PALLD: variants seen among roughly 807,000 people sequenced by gnomAD.
PALLD encodes palladin, cytoskeletal associated protein, also known as palladin.
A neutral mutation model predicts 123.5 loss-of-function variants in PALLD; 61 were observed. The observed-to-expected ratio is 0.49, with a 90% CI of 0.40 to 0.61. The LOEUF is 0.61. Ranked by LOEUF, PALLD falls within the 20% of genes least tolerant of loss-of-function variation. The probability of loss-of-function intolerance (pLI) is 0.00; values close to 1 mark genes in which losing one functional copy is unlikely to be tolerated. For synonymous variants in PALLD, 465 were observed against 496.4 expected (o/e 0.94, Z 0.84); for missense variants, 1,273 against 1,377.0 (o/e 0.92, Z 1.20).
At chr4:168,687,079 CT>C (rs1157721053) in intron 6 of PALLD, among the ~76,000 whole-genome samples, 1 of 152,154 alleles carries the variant, frequency 6.6e-6, no homozygotes, top group Non-Finnish European at 1.5e-5. Flanking sequence ...CAAACAATTC[CT>C]AGTAAACTAA....
At chr4:168,872,076 A>C (rs1305176114) in intron 10 of PALLD, among the ~76,000 whole-genome samples, 1 of 152,176 alleles carries the variant, frequency 6.6e-6, no homozygotes, top group Non-Finnish European at 1.5e-5. Context: ...TCTCATTCCT[A>C]TTCTTCATGT....
intron 2 of PALLD, among the ~76,000 whole-genome samples, chr4:168,624,722 A>G (rs1160006636): frequency 1.3e-5 from 2 of 152,222 alleles, no homozygotes; most frequent in Admixed American, 6.5e-5. Context: ...AAACAATATG[A>G]GTAAGATAGA....
intron 10 of PALLD, among the ~76,000 whole-genome samples, chr4:168,845,444 G>A (rs7688533): frequency 0.68 from 103,021 of 152,022 alleles, 36,806 homozygotes; most frequent in African/African-American, 0.92. Context: ...AACAAAAACA[G>A]TAATACAACA....
intron 2 of PALLD, among the ~76,000 whole-genome samples, chr4:168,560,744 C>T (rs951112967): frequency 6.6e-6 from 1 of 152,166 alleles, no homozygotes; most frequent in Non-Finnish European, 1.5e-5. Context: ...CTGTCATAAG[C>T]ACCAAACCTA....
rs1028737622 is a variant in PALLD, at chr4:168,891,065, T to C, written c.2100+8T>C. On this transcript the variant is annotated splice_region_variant and intron_variant, in intron 11 of 21. Coordinates refer to ENST00000505667, the MANE Select transcript of PALLD (RefSeq NM_001166108.2). ...CTGAACAATGGCCAGCCGGTACTGA[T>C]AGATTTGGGACCTGGACTTGGAATG... 1.9e-6 allele frequency: 3 copies of C among 1,614,060 alleles called. No homozygotes were observed. The highest frequency in any genetic ancestry group is 2.5e-6 in the Non-Finnish European group (3 of 1,179,938).
chr4:168,703,799 C>T (rs1189485077), intron 8 of PALLD, among the ~76,000 whole-genome samples: 3 of 144,254 alleles, frequency 2.1e-5, no homozygotes, highest in Admixed American at 6.7e-5. Flanking sequence ...ATTGTAGATT[C>T]TGGATATTAG....
rs372046983 is a variant in PALLD, at chr4:168,536,896, C to T, written c.908+24484C>T. Among the ~76,000 whole-genome samples the T allele has an allele frequency of 5.3e-5, 8 of 151,132 alleles. No homozygotes were observed. The East Asian group carries it at 1.4e-3, about 26-fold the overall frequency. On this transcript the variant is annotated intron_variant, in intron 2 of 21. Transcript: ENST00000505667. ...AGGCTGGAGTGCAGTGGCGCGATCT[C>T]GGCTCACTGCAAGCTCCACCTCCGG...
intron 17 of PALLD, among the ~76,000 whole-genome samples, chr4:168,920,455 A>G (rs941302862): frequency 2.6e-5 from 4 of 152,212 alleles, no homozygotes; most frequent in Non-Finnish European, 5.9e-5. Flanking sequence ...GAACTGTTTT[A>G]CAGTCTAAGT....
intron 10 of PALLD, among the ~76,000 whole-genome samples, chr4:168,865,625 G>T (rs183126274): frequency 6.6e-6 from 1 of 152,046 alleles, no homozygotes; most frequent in Non-Finnish European, 1.5e-5. Context: ...TTGAAAAGTC[G>T]TCTTTATAGT....
chr4:168,676,610 C>G (rs918091131), intron 3 of PALLD, among the ~76,000 whole-genome samples: 2 of 151,188 alleles, frequency 1.3e-5, no homozygotes, highest in Non-Finnish European at 2.9e-5. Flanking sequence ...AAAAGTCTCG[C>G]TCTGTCGCTC....
chr4:168,571,281 G>A (rs1312092459), intron 2 of PALLD, among the ~76,000 whole-genome samples: 3 of 152,052 alleles, frequency 2.0e-5, no homozygotes, highest in African/African-American at 7.2e-5. Flanking sequence ...TACTCTATGT[G>A]TGATTCTGTG....
At chr4:168,534,457 C>G (rs896152792) in intron 2 of PALLD, among the ~76,000 whole-genome samples, 1 of 152,214 alleles carries the variant, frequency 6.6e-6, no homozygotes, top group Non-Finnish European at 1.5e-5. Flanking sequence ...ATATTTCCCA[C>G]AGAAGAAAGT....
intron 2 of PALLD, among the ~76,000 whole-genome samples, chr4:168,593,762 G>A (rs1460169664): frequency 6.6e-6 from 1 of 152,172 alleles, no homozygotes; most frequent in Non-Finnish European, 1.5e-5. Flanking sequence ...GTGTTACAAA[G>A]CAGGCCCACC....
At chr4:168,901,914 ATAATT>A (rs1756611352) in intron 14 of PALLD, among the ~76,000 whole-genome samples, 1 of 152,202 alleles carries the variant, frequency 6.6e-6, no homozygotes, top group South Asian at 2.1e-4. Flanking sequence ...GATACTTTAC[ATAATT>A]TAAGTTTTAC....
intron 4 of PALLD, among the ~76,000 whole-genome samples, chr4:168,682,601 A>G (rs1292882758): frequency 6.6e-6 from 1 of 152,262 alleles, no homozygotes; most frequent in Non-Finnish European, 1.5e-5. Context: ...AGTTAAATAT[A>G]GGACCCTAAC....
intron 10 of PALLD, among the ~76,000 whole-genome samples, chr4:168,827,602 ATC>A (rs1289205562): frequency 6.6e-6 from 1 of 152,248 alleles, no homozygotes; most frequent in Non-Finnish European, 1.5e-5. Context: ...TCTATAATTA[ATC>A]TGTTATTTCC....
At chr4:168,609,589 G>A (rs1390764386) in intron 2 of PALLD, among the ~76,000 whole-genome samples, 1 of 152,134 alleles carries the variant, frequency 6.6e-6, no homozygotes, top group Non-Finnish European at 1.5e-5. Context: ...TTCATGCGGG[G>A]GTATCAGAGT....
intron 10 of PALLD, among the ~76,000 whole-genome samples, chr4:168,845,339 A>T (rs779182320): frequency 6.6e-6 from 1 of 152,338 alleles, no homozygotes; most frequent in Non-Finnish European, 1.5e-5. Flanking sequence ...TTCCAATAGC[A>T]TCATCTGTCT....
At chr4:168,695,018 CTG>C (rs1783007148) in intron 8 of PALLD, among the ~76,000 whole-genome samples, 1 of 152,208 alleles carries the variant, frequency 6.6e-6, no homozygotes, top group South Asian at 2.1e-4. Flanking sequence ...CAGCCACAAA[CTG>C]TGTTGAGTTA....
Sources: gnomAD v4.1 joint callset for allele counts (sites outside exome capture counted in the v4.1 genomes callset) on GRCh38, gnomAD v4.1.1 for gene constraint, MANE v1.5 for transcripts, NCBI Gene and HGNC (gene_info 2026-07-23, HGNC 2026-07-21) for gene names.